MPP7: variants seen among roughly 807,000 people sequenced by gnomAD.
MPP7 encodes MAGUK p55 scaffold protein 7, also known as MAGUK p55 subfamily member 7.
MPP7 carries 60 observed loss-of-function variants against 76.5 expected under a neutral mutation model. The observed-to-expected ratio is 0.78, with a 90% confidence interval of 0.64 to 0.97. The LOEUF (loss-of-function observed/expected upper bound fraction) is 0.97. Among genes scored for constraint, MPP7 ranks in the 50% least tolerant of loss-of-function variants. The pLI is 0.00. For synonymous variants in MPP7, 237 were observed against 244.5 expected (o/e 0.97, Z 0.29); for missense variants, 641 against 694.0 (o/e 0.92, Z 0.86).
intron 5 of MPP7, among the ~76,000 whole-genome samples, chr10:28,136,966 A>G (rs12268470): frequency 0.15 from 22,543 of 152,130 alleles, 1,954 homozygotes; most frequent in East Asian, 0.36. Context: ...TAGTCCAAAT[A>G]TGATGAAAAA....
chr10:28,117,367 T>G (rs980614800), intron 11 of MPP7, among the ~76,000 whole-genome samples: 1 of 152,134 alleles, frequency 6.6e-6, no homozygotes, highest in Admixed American at 6.6e-5. Context: ...ATAGAATTAT[T>G]CTTCCTTTAT....
chr10:28,228,656 C>T (rs1192434880), intron 2 of MPP7, among the ~76,000 whole-genome samples: 2 of 151,904 alleles, frequency 1.3e-5, no homozygotes, highest in East Asian at 1.9e-4. Context: ...CCCAGCTACT[C>T]GGGAGGCTGA....
chr10:28,146,213 C>T (rs1835697614), intron 5 of MPP7, among the ~76,000 whole-genome samples: 1 of 152,112 alleles, frequency 6.6e-6, no homozygotes, highest in South Asian at 2.1e-4. Context: ...CATCAAGGAA[C>T]TTTTCTGCTC....
intron 5 of MPP7, 52 bp downstream of exon 5, chr10:28,147,431 C>A: frequency 7.0e-7 from 1 of 1,419,860 alleles, no homozygotes; most frequent in Non-Finnish European, 1.0e-6. Flanking sequence ...TCTGAAGGCT[C>A]AGAAAGTGGC....
chr10:28,247,441 A>G (rs1478603192), intron 1 of MPP7, among the ~76,000 whole-genome samples: 1 of 152,244 alleles, frequency 6.6e-6, no homozygotes, highest in East Asian at 1.9e-4. Flanking sequence ...GGTTGCAATC[A>G]TGTATATTTA....
chr10:28,121,813 A>T (rs7910701), intron 8 of MPP7, among the ~76,000 whole-genome samples: 12,129 of 106,842 alleles, frequency 0.11, 897 homozygotes, highest in African/African-American at 0.27. Flanking sequence ...CCATTTATTT[A>T]AAAAAAAAAA....
In MPP7 at chr10:28,183,721, G is replaced by C. The variant is rs143826735; in HGVS notation, c.156+18432C>G. Reference sequence around the variant, plus strand: ...AGGATCATTGAGCCCAAAAGGTTGAGGCTGCAGTGGCCTATAATCAATCGC... The same window carrying C: ...AGGATCATTGAGCCCAAAAGGTTGACGCTGCAGTGGCCTATAATCAATCGC... On this transcript the variant is annotated intron_variant, in intron 3 of 16. Transcript: ENST00000683449. Among the ~76,000 whole-genome samples the C allele has an allele frequency of 2.7e-3, 410 of 152,314 alleles. 4 individuals carry two copies. Among genetic ancestry groups the C allele is most frequent in the East Asian group, 0.016 (82 of 5,182 alleles).
chr10:28,302,757 C>T (rs1037232860), intron 1 of MPP7, among the ~76,000 whole-genome samples, 104 bp downstream of exon 1: 1 of 152,090 alleles, frequency 6.6e-6, no homozygotes, highest in Non-Finnish European at 1.5e-5. Flanking sequence ...ACCGCGGCAC[C>T]GCTCGGCCCG....
chr10:28,246,144 T>C (rs571745868), intron 1 of MPP7, among the ~76,000 whole-genome samples: 9 of 152,190 alleles, frequency 5.9e-5, no homozygotes, highest in African/African-American at 2.2e-4. Flanking sequence ...AAGATACTCA[T>C]GCTAAGACAT....
intron 3 of MPP7, among the ~76,000 whole-genome samples, chr10:28,200,608 C>A (rs1837739357): frequency 6.6e-6 from 1 of 152,208 alleles, no homozygotes; most frequent in African/African-American, 2.4e-5. Context: ...ACAACCATCT[C>A]TGTAGTTCCT....
chr10:28,238,834 G>C, intron 1 of MPP7, 99 bp from the exon 2 acceptor site: 1 of 526,610 alleles, frequency 1.9e-6, no homozygotes, highest in Admixed American at 3.5e-5. Flanking sequence ...ATCACTATTG[G>C]AGAGATCGCA....
chr10:28,276,251 G>A (rs530839451), intron 1 of MPP7, among the ~76,000 whole-genome samples: 9 of 151,394 alleles, frequency 5.9e-5, no homozygotes, highest in African/African-American at 1.9e-4. Flanking sequence ...GACTGGTCTC[G>A]AACTCCTGAC....
At position 28,056,465 on chromosome 10, in the gene MPP7, C is replaced by T; in HGVS notation, c.1551+15G>A. The stretch of plus-strand genomic sequence containing the variant: ...TGGGCCACCACACCTGGCCCCCAAG[C>T]ATCATTATACTTACTGTGAAGGGTT... On this transcript the variant is annotated intron_variant, in intron 16 of 16. Transcript: ENST00000683449. 6.2e-7 allele frequency: 1 copy of T among 1,605,136 alleles called. No homozygotes were observed.
At chr10:28,228,984 G>A (rs1838788901) in intron 2 of MPP7, among the ~76,000 whole-genome samples, 1 of 152,010 alleles carries the variant, frequency 6.6e-6, no homozygotes, top group Non-Finnish European at 1.5e-5. Context: ...GAAAGATAAG[G>A]GATAGAAGAA....
At chr10:28,249,178 C>T (rs1240110129) in intron 1 of MPP7, among the ~76,000 whole-genome samples, 8 of 151,752 alleles carry the variant, frequency 5.3e-5, no homozygotes. Flanking sequence ...TCTGCCTGTC[C>T]TCTTCTTAGT....
chr10:28,291,350 A>C (rs1447798009), intron 1 of MPP7, among the ~76,000 whole-genome samples: 1 of 152,240 alleles, frequency 6.6e-6, no homozygotes, highest in Non-Finnish European at 1.5e-5. Context: ...TCACGCCTGT[A>C]ATCCCAGCAC....
At chr10:28,202,882 T>A (rs1160747946) in intron 2 of MPP7, 3 of 151,738 alleles carry the variant, frequency 2.0e-5, no homozygotes, top group Non-Finnish European at 4.4e-5. Context: ...GATGTAAAGC[T>A]TATGTAATAC....
chr10:28,180,852 C>T lies in MPP7; in HGVS notation c.156+21301G>A, dbSNP rs1331990930. ...CTGACTGCTAAAGGCTTCTGCCCAG[C>T]GGTGACACACTTCACTCCCACTCAC... On this transcript the variant is annotated intron_variant, in intron 3 of 16. Coordinates refer to ENST00000683449, the MANE Select transcript of MPP7 (RefSeq NM_001318170.2). Among the ~76,000 whole-genome samples, 11 of 152,228 alleles carry T rather than the reference C, an allele frequency of 7.2e-5. No individual in the cohort carries two copies. The South Asian group carries it at 2.1e-3, about 29-fold the overall frequency.
chr10:28,116,623 A>G (rs1307859783), intron 11 of MPP7, among the ~76,000 whole-genome samples: 1 of 152,174 alleles, frequency 6.6e-6, no homozygotes, highest in Non-Finnish European at 1.5e-5. Flanking sequence ...ACAAATTTCC[A>G]TTACAAATAT....
Sources: gnomAD v4.1 joint callset for allele counts (sites outside exome capture counted in the v4.1 genomes callset) on GRCh38, gnomAD v4.1.1 for gene constraint, MANE v1.5 for transcripts, NCBI Gene and HGNC (gene_info 2026-07-23, HGNC 2026-07-21) for gene names.